Variants in PCDHA6 observed in about 807,000 individuals in gnomAD.
PCDHA6 encodes the protein protocadherin alpha 6.
Under a neutral mutation model 60.3 loss-of-function variants are expected in PCDHA6, and 55 were observed. That is an observed-to-expected ratio of 0.91 (90% CI 0.73 to 1.14). PCDHA6 has a LOEUF of 1.14. PCDHA6 is among the 50% of genes most tolerant of loss of function. The pLI, the probability that PCDHA6 is intolerant of heterozygous loss-of-function variation, is 0.00. For synonymous variants in PCDHA6, 652 were observed against 557.9 expected (o/e 1.17, Z -2.38); for missense variants, 1,327 against 1,256.5 (o/e 1.06, Z -0.85).
rs2150230221 is a variant in PCDHA6 at position 140,835,046 on chromosome 5, G to A, written c.2394+4561G>A. The A allele has an allele frequency of 6.3e-6, 8 of 1,261,804 alleles. No individual in the cohort carries two copies. The East Asian group carries it at 1.6e-4, about 24-fold the overall frequency. 78.2% of individuals were successfully genotyped at this position (1,261,804 alleles called of 1,614,324 possible). On this transcript the variant is annotated intron_variant, in intron 1 of 3. Transcript: ENST00000529310. ...CGGCCACCGATGGAGGCAAACCCGAGCTGACTGGCACCGTTCAATTACTCA... is the reference window on the plus strand; with the variant it reads ...CGGCCACCGATGGAGGCAAACCCGAACTGACTGGCACCGTTCAATTACTCA...
At chr5:140,907,712 T>A (rs1562961756) in intron 1 of PCDHA6, among the ~76,000 whole-genome samples, 1 of 152,198 alleles carries the variant, frequency 6.6e-6, no homozygotes, top group African/African-American at 2.4e-5. Context: ...GCTGAGCCCA[T>A]GTGTAACCTC....
intron 1 of PCDHA6, among the ~76,000 whole-genome samples, chr5:140,936,916 A>C (rs782442769): frequency 3.0e-4 from 46 of 152,222 alleles, no homozygotes; most frequent in Non-Finnish European, 6.6e-4. Context: ...ATCTGTAGAA[A>C]ATATGGGGTA....
intron 1 of PCDHA6, chr5:140,876,311 G>A: frequency 1.2e-6 from 2 of 1,613,954 alleles, no homozygotes; most frequent in East Asian, 2.2e-5. Flanking sequence ...ATTTCCTATG[G>A]GATCAAAATG....
intron 1 of PCDHA6, among the ~76,000 whole-genome samples, chr5:140,873,657 C>A (rs1270824058): frequency 6.6e-6 from 1 of 152,090 alleles, no homozygotes; most frequent in Non-Finnish European, 1.5e-5. Context: ...ACATAACACA[C>A]TATTATTATT....
chr5:141,011,745 A>G lies in PCDHA6; in HGVS notation c.*1808A>G, dbSNP rs1378591918. 3 of 153,762 alleles carry G rather than the reference A, an allele frequency of 2.0e-5. No individual in the cohort carries two copies. The highest frequency in any genetic ancestry group is 1.9e-4 in the East Asian group (1 of 5,196). 9.5% of individuals were successfully genotyped at this position (153,762 alleles called of 1,614,324 possible). ...GGGTGTGCAAGCACAAATTTTACCA[A>G]TCTGACCTCTTTGAAGTTGCAGAAT... On this transcript the variant is annotated 3_prime_UTR_variant, in exon 4 of 4. Coordinates refer to ENST00000529310, the MANE Select transcript of PCDHA6 (RefSeq NM_018909.4).
Position 141,010,222 on chromosome 5 carries a change from C to T in PCDHA6, c.*285C>T. 6.4e-7 allele frequency: 1 copy of T among 1,551,730 alleles called. No homozygotes were observed. The highest frequency in any genetic ancestry group is 2.4e-5 in the East Asian group (1 of 40,912). ...CCTCCGCCGCAAAGGAGAGGCTTCC[C>T]AGCCCCGCCAGTGAGAGGTTGGACT... On this transcript the variant is annotated 3_prime_UTR_variant, in exon 4 of 4. Transcript: ENST00000529310.
In PCDHA6 at chr5:140,856,910, A is replaced by G. The variant is rs782378927; in HGVS notation, c.2394+26425A>G. On this transcript the variant is annotated intron_variant, in intron 1 of 3. Coordinates refer to ENST00000529310, the MANE Select transcript of PCDHA6 (RefSeq NM_018909.4). ...ATTTAGCTCTTTGGTCCCACCCACG[A>G]TAAGAAGGAAATTTTGGATAAACGA... 4.4e-6 allele frequency: 7 copies of G among 1,596,308 alleles called. No individual in the cohort carries two copies. In the South Asian group the frequency reaches 4.4e-5, roughly 10 times the overall value.
At chr5:140,955,823 T>C (rs1189753862) in intron 1 of PCDHA6, among the ~76,000 whole-genome samples, 1 of 152,208 alleles carries the variant, frequency 6.6e-6, no homozygotes, top group African/African-American at 2.4e-5. Flanking sequence ...GTGATTTCCT[T>C]GAGCAGTGGT....
rs181817860 is a variant in PCDHA6 at position 140,866,905 on chromosome 5, C to T, written c.2394+36420C>T. The T allele has an allele frequency of 1.6e-4, 24 of 152,148 alleles. 1 individual carries two copies. The highest frequency in any genetic ancestry group is 1.4e-3 in the Admixed American group (22 of 15,284). 9.4% of individuals were successfully genotyped at this position (152,148 alleles called of 1,614,324 possible). ...CCTATACCCAGATATTAGGCTGATCCTCAAAGATGAGTTCAAAGGGCGCAT... is the reference window on the plus strand; with the variant it reads ...CCTATACCCAGATATTAGGCTGATCTTCAAAGATGAGTTCAAAGGGCGCAT... On this transcript the variant is annotated intron_variant, in intron 1 of 3. Transcript: ENST00000529310.
intron 1 of PCDHA6, among the ~76,000 whole-genome samples, chr5:140,945,365 G>A (rs1458066318): frequency 6.6e-6 from 1 of 151,914 alleles, no homozygotes; most frequent in Non-Finnish European, 1.5e-5. Flanking sequence ...TGTTTAAAAT[G>A]TCCATATTAC....
In PCDHA6 at chr5:140,870,746, T is replaced by C. The variant is rs781831995; in HGVS notation, c.2394+40261T>C. 5.0e-6 allele frequency: 8 copies of C among 1,613,488 alleles called. No individual in the cohort carries two copies. The East Asian group carries it at 1.8e-4, about 36-fold the overall frequency. ...GGCGTGCCGCCTCTGAGCAGCAACG[T>C]GACGCTGCAGGTGTTCGTGCTGGAC... On this transcript the variant is annotated intron_variant, in intron 1 of 3. Transcript: ENST00000529310.
rs2150413547 is a variant in PCDHA6, at chr5:140,848,594, C to T, written c.2394+18109C>T. On this transcript the variant is annotated intron_variant, in intron 1 of 3. Coordinates refer to ENST00000529310, the MANE Select transcript of PCDHA6 (RefSeq NM_018909.4). The stretch of plus-strand genomic sequence containing the variant: ...TGGTGGGGAGCGGCCAGCTCCACTA[C>T]TCCGTCCCGGAGGAAGCCGAACACG... 3.8e-6 allele frequency: 6 copies of T among 1,594,526 alleles called. 1 individual carries two copies. In the African/African-American group the frequency reaches 4.0e-5, roughly 11 times the overall value.
intron 1 of PCDHA6, among the ~76,000 whole-genome samples, chr5:140,915,929 C>A (rs1554197194): frequency 1.3e-5 from 2 of 152,144 alleles, no homozygotes; most frequent in African/African-American, 4.8e-5. Context: ...ACTTGGGAGT[C>A]AGGGATTGGA....
chr5:140,883,870 G>T, intron 1 of PCDHA6: 1 of 1,613,302 alleles, frequency 6.2e-7, no homozygotes, highest in South Asian at 1.1e-5. Context: ...TGCAGTTCCA[G>T]GTGAGCGCGC....
At chr5:140,882,041 A>G (rs1374444489) in intron 1 of PCDHA6, 9 of 677,522 alleles carry the variant, frequency 1.3e-5, no homozygotes, top group African/African-American at 1.3e-4. Context: ...ATGAAGACTG[A>G]GTCATACTTA....
intron 1 of PCDHA6, among the ~76,000 whole-genome samples, chr5:140,949,378 A>G (rs2094372256): frequency 6.6e-6 from 1 of 151,852 alleles, no homozygotes; most frequent in South Asian, 2.1e-4. Flanking sequence ...TGTCCTATCA[A>G]TTGCTCAGAG....
At chr5:140,912,292 C>A (rs527420621) in intron 1 of PCDHA6, among the ~76,000 whole-genome samples, 13 of 152,184 alleles carry the variant, frequency 8.5e-5, no homozygotes, top group Non-Finnish European at 1.8e-4. Context: ...CAATACTTTG[C>A]CTCCTGTAAT....
At chr5:140,941,321 T>C (rs1220701599) in intron 1 of PCDHA6, among the ~76,000 whole-genome samples, 5 of 62,540 alleles carry the variant, frequency 8.0e-5, no homozygotes, top group African/African-American at 2.0e-4. Context: ...TTCTTTCTCT[T>C]TTTTTTTTTT....
At chr5:140,837,515 A>AC (rs1373880523) in intron 1 of PCDHA6, among the ~76,000 whole-genome samples, 1 of 96,498 alleles carries the variant, frequency 1.0e-5, no homozygotes, top group African/African-American at 5.4e-5. Context: ...GAAGCAGTTT[A>AC]CTTTTTTTGT....
Sources: gnomAD v4.1 joint callset for allele counts (sites outside exome capture counted in the v4.1 genomes callset) on GRCh38, gnomAD v4.1.1 for gene constraint, MANE v1.5 for transcripts, NCBI Gene and HGNC (gene_info 2026-07-23, HGNC 2026-07-21) for gene names.